Variants in TENM4 observed in about 807,000 individuals in gnomAD.
TENM4 encodes teneurin-4.
TENM4 carries 82 observed loss-of-function variants against 243.3 expected under a neutral mutation model. That is an observed-to-expected ratio of 0.34 (90% confidence interval 0.28 to 0.40). TENM4 has a LOEUF of 0.40. Ranked by LOEUF, TENM4 falls within the 10% of genes least tolerant of loss-of-function variation. The pLI is 1.00. For missense variants in TENM4, 3,138 were observed against 3,673.3 expected, an observed-to-expected ratio of 0.85 and a Z score of 3.77; for synonymous variants, 1,412 against 1,456.3, an observed-to-expected ratio of 0.97 and a Z score of 0.69.
intron 6 of TENM4, among the ~76,000 whole-genome samples, chr11:78,977,719 G>T (rs1465783903): frequency 6.6e-6 from 1 of 152,236 alleles, no homozygotes; most frequent in African/African-American, 2.4e-5. Context: ...TGCTGGAGAG[G>T]ATGTGGAGAA....
At chr11:78,879,232 G>A (rs1227634783) in intron 9 of TENM4, among the ~76,000 whole-genome samples, 10 of 148,360 alleles carry the variant, frequency 6.7e-5, no homozygotes, top group Admixed American at 2.7e-4. Flanking sequence ...CTGCCCGGTC[G>A]CCCCGTCTGG....
intron 1 of TENM4, among the ~76,000 whole-genome samples, chr11:79,305,651 C>T (rs1856614382): frequency 6.6e-6 from 1 of 152,196 alleles, no homozygotes; most frequent in Non-Finnish European, 1.5e-5. Context: ...CTACAAAGGG[C>T]TCAGGGGCCA....
chr11:79,013,621 G>C (rs1010595908), intron 6 of TENM4, among the ~76,000 whole-genome samples: 8 of 152,208 alleles, frequency 5.3e-5, no homozygotes, highest in African/African-American at 1.9e-4. Flanking sequence ...CTCCTGGAAG[G>C]CTGGATGAAC....
rs1004001067 is a variant in TENM4 at position 78,797,772 on chromosome 11, T to G, written c.2179+7520A>C. ...TGTCAATCTCCTGGATATTTATTAT[T>G]CTGAACTTTGATTTCAGGCTATCAC... On this transcript the variant is annotated intron_variant, in intron 15 of 33. Transcript: ENST00000278550. Among the ~76,000 whole-genome samples the G allele has an allele frequency of 2.6e-5, 4 of 152,382 alleles. No individual in the cohort carries two copies. The East Asian group carries it at 5.8e-4, about 22-fold the overall frequency.
chr11:78,854,351 G>A, intron 11 of TENM4, 37 bp from the exon 12 acceptor site: 2 of 1,450,312 alleles, frequency 1.4e-6, no homozygotes, highest in African/African-American at 1.4e-5. Context: ...CAGTGGGTCT[G>A]TTCCACCACG....
intron 6 of TENM4, among the ~76,000 whole-genome samples, chr11:78,944,411 C>A (rs1009228687): frequency 1.3e-5 from 2 of 152,190 alleles, no homozygotes; most frequent in African/African-American, 4.8e-5. Flanking sequence ...AACCAGGTTG[C>A]CTTATCTGAA....
intron 6 of TENM4, among the ~76,000 whole-genome samples, chr11:78,923,923 C>T (rs1456546306): frequency 2.0e-5 from 3 of 149,112 alleles, no homozygotes; most frequent in African/African-American, 5.0e-5. Flanking sequence ...GGTGTGATCT[C>T]GGCTTACTGC....
chr11:78,893,060 G>T (rs529678925), intron 7 of TENM4, among the ~76,000 whole-genome samples: 109 of 152,380 alleles, frequency 7.2e-4, no homozygotes, highest in Middle Eastern at 3.4e-3. Flanking sequence ...TGCTGAGTAT[G>T]CAGTGGTGGT....
intron 2 of TENM4, among the ~76,000 whole-genome samples, chr11:79,245,309 A>G (rs994790984): frequency 4.6e-5 from 7 of 152,244 alleles, no homozygotes; most frequent in African/African-American, 1.7e-4. Context: ...ATGTTGTCAG[A>G]GCCCAGATTA....
chr11:79,222,188 G>A (rs1282969632), intron 2 of TENM4, among the ~76,000 whole-genome samples: 2 of 152,212 alleles, frequency 1.3e-5, no homozygotes, highest in African/African-American at 4.8e-5. Context: ...AGGGGAACAG[G>A]TGGGGCAGAT....
At chr11:79,370,925 C>T (rs1857772431) in intron 1 of TENM4, among the ~76,000 whole-genome samples, 1 of 150,668 alleles carries the variant, frequency 6.6e-6, no homozygotes, top group Non-Finnish European at 1.5e-5. Flanking sequence ...ATTTATAATA[C>T]ACTAGGAACT....
chr11:79,054,254 C>T (rs1031162030), intron 6 of TENM4, among the ~76,000 whole-genome samples: 5 of 152,144 alleles, frequency 3.3e-5, no homozygotes, highest in African/African-American at 9.7e-5. Context: ...TTAGGGATTC[C>T]AGCTTTATCA....
chr11:79,031,920 G>T (rs1163252188), intron 6 of TENM4, among the ~76,000 whole-genome samples: 1 of 152,194 alleles, frequency 6.6e-6, no homozygotes, highest in African/African-American at 2.4e-5. Flanking sequence ...AGCCAGGGAT[G>T]CCACTAAACA....
In TENM4 at chr11:79,264,700, T is replaced by A. The variant is rs1018621887; in HGVS notation, c.-265+32788A>T. Among the ~76,000 whole-genome samples the A allele has an allele frequency of 1.7e-3, 259 of 152,148 alleles. 3 individuals are homozygous for A. The highest frequency in any genetic ancestry group is 4.6e-4 in the Admixed American group (7 of 15,278). ...TTACACGTTGGAAATGGGACTAAAATCACAGGGTAGGACTTGTAGAAAATA... is the reference window on the plus strand; with the variant it reads ...TTACACGTTGGAAATGGGACTAAAAACACAGGGTAGGACTTGTAGAAAATA... On this transcript the variant is annotated intron_variant, in intron 2 of 33. Transcript: ENST00000278550.
chr11:79,118,409 A>T (rs893636705), intron 4 of TENM4, among the ~76,000 whole-genome samples: 1 of 152,142 alleles, frequency 6.6e-6, no homozygotes, highest in Non-Finnish European at 1.5e-5. Flanking sequence ...ACATAATATA[A>T]AATTTACCAT....
chr11:78,872,651 C>T (rs528214796), intron 9 of TENM4, among the ~76,000 whole-genome samples: 2 of 152,328 alleles, frequency 1.3e-5, no homozygotes, highest in South Asian at 2.1e-4. Flanking sequence ...CCTGTGTTAA[C>T]GATCAAATGA....
intron 20 of TENM4, among the ~76,000 whole-genome samples, chr11:78,733,713 A>G (rs1162168451): frequency 6.6e-6 from 1 of 152,176 alleles, no homozygotes; most frequent in Non-Finnish European, 1.5e-5. Flanking sequence ...CCAGCCCCAC[A>G]TGGAACCTGA....
At chr11:79,257,851 A>G (rs1440737447) in intron 2 of TENM4, among the ~76,000 whole-genome samples, 5 of 152,218 alleles carry the variant, frequency 3.3e-5, no homozygotes, top group Admixed American at 6.5e-5. Context: ...AAGGATCATC[A>G]TAGATAATGT....
At chr11:79,186,317 C>T (rs974232138) in intron 3 of TENM4, among the ~76,000 whole-genome samples, 3 of 152,148 alleles carry the variant, frequency 2.0e-5, no homozygotes, top group Admixed American at 6.5e-5. Flanking sequence ...CCGCCCTGAG[C>T]ACTTCTTCCA....
Sources: gnomAD v4.1 joint callset for allele counts (sites outside exome capture counted in the v4.1 genomes callset) on GRCh38, gnomAD v4.1.1 for gene constraint, MANE v1.5 for transcripts, NCBI Gene and HGNC (gene_info 2026-07-23, HGNC 2026-07-21) for gene names.